Variants in LRRC8C observed in about 807,000 individuals in gnomAD.
LRRC8C encodes leucine rich repeat containing 8 VRAC subunit C.
Under a neutral mutation model 55.3 loss-of-function variants are expected in LRRC8C, and 20 were observed. The observed-to-expected ratio is 0.36, with a 90% CI of 0.25 to 0.53. The LOEUF is 0.53. LRRC8C is among the 20% of genes least tolerant of loss of function. LRRC8C has a pLI of 0.92. For missense variants in LRRC8C, 659 were observed against 951.4 expected (o/e 0.69, Z 4.04); for synonymous variants, 376 against 360.7 (o/e 1.04, Z -0.48).
At chr1:89,618,642 T>C in the LRRC8C span, among the ~76,000 whole-genome samples, 1 of 152,230 alleles carries the variant, frequency 6.6e-6, no homozygotes, top group Non-Finnish European at 1.5e-5. Flanking sequence ...AGGAAGGGGT[T>C]GAGAGATATT....
rs747965590 is a variant in LRRC8C, at chr1:89,713,269, G to A, written c.699G>A (p.Lys233=). Residue 233 remains lysine, a synonymous_variant, in exon 3 of 3, where the codon AAG becomes AAA. Coordinates refer to ENST00000370454, the MANE Select transcript of LRRC8C (RefSeq NM_032270.5). This position sits in a 1 kb window ranked among gnomAD's most constrained non-coding sequence, Gnocchi z 5.2. ...CCACTGCAGGGGCTCTGGATAAAAA[G>A]GAAGGTGAGCAGGCTAAGGCCTTAT... ...DKSTAGALDK[K]EGEQAKALFE... is the part of the protein sequence containing the mutation. 4.3e-6 allele frequency: 7 copies of A among 1,614,100 alleles called. No individual in the cohort carries two copies. The East Asian group carries it at 1.1e-4, about 26-fold the overall frequency.
chr1:89,618,758 G>A, the LRRC8C span, among the ~76,000 whole-genome samples: 1 of 152,198 alleles, frequency 6.6e-6, no homozygotes, highest in Non-Finnish European at 1.5e-5. Context: ...ACTTTCTAAA[G>A]ATAGCCAAGT....
chr1:89,655,166 C>T (rs1447462466), intron 1 of LRRC8C, among the ~76,000 whole-genome samples: 4 of 151,870 alleles, frequency 2.6e-5, no homozygotes, highest in East Asian at 1.9e-4. Context: ...TATTTTTCCC[C>T]GTCTGTTTTT....
chr1:89,670,938 A>T (rs1391087755), intron 1 of LRRC8C, among the ~76,000 whole-genome samples: 2 of 152,238 alleles, frequency 1.3e-5, no homozygotes, highest in African/African-American at 4.8e-5. Flanking sequence ...GGCCTGGCTT[A>T]TGCAAGCCCC....
chr1:89,708,396 C>T (rs1408323707), intron 2 of LRRC8C: 1 of 152,208 alleles, frequency 6.6e-6, no homozygotes, highest in Non-Finnish European at 1.5e-5. Flanking sequence ...TGCAGCCTTT[C>T]TTTAAGGCTT....
At chr1:89,661,344 A>C (rs1320430148) in intron 1 of LRRC8C, 1 of 348,800 alleles carries the variant, frequency 2.9e-6, no homozygotes, top group Non-Finnish European at 5.7e-6. Context: ...ATCTGGATTG[A>C]ACAATGCCAG....
At chr1:89,661,978 A>G (rs904415598) in intron 1 of LRRC8C, among the ~76,000 whole-genome samples, 1 of 152,204 alleles carries the variant, frequency 6.6e-6, no homozygotes, top group Non-Finnish European at 1.5e-5. Context: ...GATACCAGGA[A>G]GATGAGAATT....
chr1:89,631,050 T>G (rs1656093544), upstream of LRRC8C, among the ~76,000 whole-genome samples: 1 of 152,198 alleles, frequency 6.6e-6, no homozygotes, highest in Non-Finnish European at 1.5e-5. Flanking sequence ...TTGCAGGGGA[T>G]TCAGATCCCA....
chr1:89,641,652 A>G lies in LRRC8C; in HGVS notation c.-5+8330A>G, dbSNP rs550103356. 2.2e-4 allele frequency among the ~76,000 whole-genome samples: 34 copies of G among 152,256 alleles called. 1 individual carries two copies. The highest frequency in any genetic ancestry group is 7.5e-4 in the African/African-American group (31 of 41,540). On this transcript the variant is annotated intron_variant, in intron 1 of 2. Coordinates refer to ENST00000370454, the MANE Select transcript of LRRC8C (RefSeq NM_032270.5). ...CTCATTACATTTTTGCATTAGGGTC[A>G]TTGAATTTGTTACCTACTCATTAAC...
intron 1 of LRRC8C, among the ~76,000 whole-genome samples, chr1:89,675,194 AAAAAACAAAAAC>A (rs1343194685): frequency 6.6e-6 from 1 of 152,186 alleles, no homozygotes; most frequent in Non-Finnish European, 1.5e-5. Flanking sequence ...CAAAAAAACA[AAAAAACAAAAAC>A]AAAAACAAAA....
intron 2 of LRRC8C, among the ~76,000 whole-genome samples, chr1:89,701,915 A>C (rs1658339277): frequency 6.6e-6 from 1 of 152,200 alleles, no homozygotes; most frequent in African/African-American, 2.4e-5. Flanking sequence ...CCAGGAGCTC[A>C]GCTCCTGCTA....
At chr1:89,634,927 C>G (rs1244645629) in intron 1 of LRRC8C, among the ~76,000 whole-genome samples, 2 of 152,162 alleles carry the variant, frequency 1.3e-5, no homozygotes, top group Non-Finnish European at 2.9e-5. Context: ...CCATGGTTCA[C>G]ATAATAGATT....
intron 2 of LRRC8C, among the ~76,000 whole-genome samples, chr1:89,705,050 T>C (rs1658436615): frequency 6.6e-6 from 1 of 151,646 alleles, no homozygotes; most frequent in Non-Finnish European, 1.5e-5. Flanking sequence ...TAGACTGGAT[T>C]AAGAAAATGT....
chr1:89,639,478 A>T (rs564156205), intron 1 of LRRC8C, among the ~76,000 whole-genome samples: 53 of 152,236 alleles, frequency 3.5e-4, no homozygotes, highest in African/African-American at 1.3e-3. Flanking sequence ...TCTCCTTTAT[A>T]TATTGGCTGC....
intron 2 of LRRC8C, among the ~76,000 whole-genome samples, chr1:89,711,771 A>G (rs552249018): frequency 5.3e-5 from 8 of 152,356 alleles, no homozygotes; most frequent in South Asian, 4.1e-4. Context: ...GTGGTTCTCA[A>G]TGTAATATTT....
In LRRC8C at chr1:89,714,853, T is replaced by C; in HGVS notation, c.2283T>C (p.Gly761=). 1 of 1,614,154 alleles carries C rather than the reference T, an allele frequency of 6.2e-7. No individual in the cohort carries two copies. Among genetic ancestry groups the C allele is most frequent in the East Asian group, 2.2e-5 (1 of 44,886 alleles). The part of the protein sequence containing the change: ...LLFLSYLDVK[G]NHFEILPPEL... ...TTCTTTCCTACTTAGATGTAAAAGG[T>C]AATCACTTTGAAATCCTCCCTCCTG... Residue 761 remains glycine (G), a synonymous_variant, in exon 3 of 3, where the codon GGT becomes GGC. Coordinates refer to ENST00000370454, the MANE Select transcript of LRRC8C (RefSeq NM_032270.5). The surrounding 1 kb of genome is among the most constrained non-coding windows in gnomAD (Gnocchi z 4.6).
At chr1:89,632,571 G>C (rs1202551110), upstream of LRRC8C, 4 of 152,510 alleles carry the variant, frequency 2.6e-5, no homozygotes, top group Non-Finnish European at 5.9e-5. Flanking sequence ...TTCTCCTGTG[G>C]AGGGGTTATC....
Position 89,716,439 on chromosome 1 carries a change from T to G in LRRC8C, c.*1457T>G, listed in dbSNP as rs1658822598. The G allele has an allele frequency of 6.6e-6, 1 of 152,232 alleles. No individual in the cohort carries two copies. The allele number at this position is 152,232 out of a possible 1,614,324, so 9.4% of individuals were successfully genotyped here. ...TATGTATCTCATCTAAAATTGTTCG[T>G]TAAAGTGTGAATAAATTGCTAAGTG... On this transcript the variant is annotated 3_prime_UTR_variant, in exon 3 of 3. Coordinates refer to ENST00000370454, the MANE Select transcript of LRRC8C (RefSeq NM_032270.5).
At chr1:89,675,078 C>G (rs562052043) in intron 1 of LRRC8C, among the ~76,000 whole-genome samples, 1 of 152,186 alleles carries the variant, frequency 6.6e-6, no homozygotes, top group South Asian at 2.1e-4. Context: ...GTATAAGTAC[C>G]AGTCTACCAT....
Sources: gnomAD v4.1 joint callset for allele counts (sites outside exome capture counted in the v4.1 genomes callset) on GRCh38, gnomAD v4.1.1 for gene constraint, Gnocchi (gnomAD v3.1) non-coding constraint, MANE v1.5 for transcripts, NCBI Gene and HGNC (gene_info 2026-07-23, HGNC 2026-07-21) for gene names.